Variants in MARCHF2 observed in about 807,000 individuals in gnomAD.
MARCHF2 encodes E3 ubiquitin-protein ligase MARCHF2.
A neutral mutation model predicts 24.0 loss-of-function variants in MARCHF2; 22 were observed. The ratio of observed to expected loss-of-function variants is 0.92; its 90% CI spans 0.66 to 1.31. MARCHF2 has a LOEUF of 1.31. Among genes scored for constraint, MARCHF2 ranks in the 50% most tolerant of loss-of-function variants. The probability of loss-of-function intolerance (pLI) is 0.00; values close to 1 mark genes in which losing one functional copy is unlikely to be tolerated. For missense variants in MARCHF2, 301 were observed against 335.3 expected (o/e 0.90, Z 0.80); for synonymous variants, 154 against 153.0 (o/e 1.01, Z -0.05).
Position 8,438,819 on chromosome 19 carries a change from C to T in MARCHF2, c.*273C>T, listed in dbSNP as rs938948980. ...AGGCACCCTGATCTCATTCTGAGGT[C>T]CACATGGCACCTTCTGGGCCAGCAG... is the stretch of plus-strand genomic sequence containing the variant. On this transcript the variant is annotated 3_prime_UTR_variant, in exon 5 of 5. Transcript: ENST00000215555. 3.1e-6 allele frequency: 1 copy of T among 324,272 alleles called. No individual in the cohort carries two copies. Among genetic ancestry groups the T allele is most frequent in the Non-Finnish European group, 5.7e-6 (1 of 175,420 alleles). The allele number at this position is 324,272 out of a possible 1,614,324, so 20.1% of individuals were successfully genotyped here. A position where few individuals can be genotyped will look rare whatever the true frequency, so the allele number is the denominator to read the frequency against.
chr19:8,421,263 C>A (rs369425418), intron 1 of MARCHF2, among the ~76,000 whole-genome samples: 1 of 151,780 alleles, frequency 6.6e-6, no homozygotes, highest in South Asian at 2.1e-4. Context: ...GCTGGGACTA[C>A]AGGCGCGTGC....
chr19:8,435,462 AC>A (rs1208954955), intron 4 of MARCHF2, among the ~76,000 whole-genome samples: 4 of 152,084 alleles, frequency 2.6e-5, no homozygotes, highest in African/African-American at 9.7e-5. Context: ...AACATCGTTT[AC>A]CCAAGCAGTG....
chr19:8,429,478 A>AATTATTATT (rs1460004320), intron 3 of MARCHF2, among the ~76,000 whole-genome samples: 5 of 107,002 alleles, frequency 4.7e-5, no homozygotes, highest in Non-Finnish European at 9.6e-5. Flanking sequence ...AAATGAAAGA[A>AATTATTATT]CTTATTATTA....
In MARCHF2 at chr19:8,438,753, A is replaced by G; in HGVS notation, c.*207A>G. On this transcript the variant is annotated 3_prime_UTR_variant, in exon 5 of 5. Transcript: ENST00000215555. ...GGTTTTTTTTTTTTTTTTTTTGCAT[A>G]TGGAGGACAGGTGGACATGGTCCTG... 4 of 519,032 alleles carry G rather than the reference A, an allele frequency of 7.7e-6. No homozygotes were observed. Among genetic ancestry groups the G allele is most frequent in the Non-Finnish European group, 9.8e-6 (3 of 304,586 alleles). The allele number at this position is 519,032 out of a possible 1,614,324, so 32.2% of individuals were successfully genotyped here.
At chr19:8,421,308 G>A (rs1038695581) in intron 1 of MARCHF2, among the ~76,000 whole-genome samples, 1 of 150,188 alleles carries the variant, frequency 6.7e-6, no homozygotes. Context: ...ATTTTTAGTA[G>A]AGATGGGGTT....
chr19:8,419,127 G>A (rs566952118), intron 1 of MARCHF2, among the ~76,000 whole-genome samples: 1 of 151,894 alleles, frequency 6.6e-6, no homozygotes, highest in Non-Finnish European at 1.5e-5. Flanking sequence ...TTGGGAGTCC[G>A]AGGCAGATGG....
At chr19:8,428,968 C>T (rs181643982) in intron 3 of MARCHF2, among the ~76,000 whole-genome samples, 263 of 144,436 alleles carry the variant, frequency 1.8e-3, no homozygotes, top group Non-Finnish European at 3.0e-3. Flanking sequence ...TAGAAAAGCC[C>T]CTGGCCCACC....
chr19:8,420,867 C>T (rs1162813977), intron 1 of MARCHF2, among the ~76,000 whole-genome samples: 1 of 152,052 alleles, frequency 6.6e-6, no homozygotes, highest in Non-Finnish European at 1.5e-5. Flanking sequence ...GTTGCCCAGG[C>T]TGGTCTCAAA....
chr19:8,438,615 GACTTCC>G lies in MARCHF2; in HGVS notation c.*75_*80del. ...CTGGTGATACCCTGTCCTGTGGAAG[GACTTCC>G]ACTTCAACACTTCCACTTCAACAGT... is the stretch of plus-strand genomic sequence containing the variant. On this transcript the variant is annotated 3_prime_UTR_variant, in exon 5 of 5. Transcript: ENST00000215555. 7.2e-6 allele frequency: 11 copies of G among 1,518,148 alleles called. No individual in the cohort carries two copies. The South Asian group carries it at 1.3e-4, about 18-fold the overall frequency. 94.0% of individuals were successfully genotyped at this position (1,518,148 alleles called of 1,614,324 possible).
chr19:8,430,606 A>G lies in MARCHF2; in HGVS notation c.373-52A>G, dbSNP rs1341583428. ...CTGGAGGTCCTTACCCCTCCCCCTC[A>G]GTAGCCCCTTCTCTGCCCCCTCTCC... On this transcript the variant is annotated intron_variant, in intron 3 of 4. Coordinates refer to ENST00000215555, the MANE Select transcript of MARCHF2 (RefSeq NM_001005415.2). The surrounding 1 kb of genome is among the most constrained non-coding windows in gnomAD (Gnocchi z 4.4). 12 of 1,480,326 alleles carry G rather than the reference A, an allele frequency of 8.1e-6. No individual in the cohort carries two copies. Among genetic ancestry groups the G allele is most frequent in the Non-Finnish European group, 1.1e-5 (12 of 1,073,296 alleles). 91.7% of individuals were successfully genotyped at this position (1,480,326 alleles called of 1,614,324 possible).
In MARCHF2 at chr19:8,415,958, G is replaced by A. The variant is rs180729973; in HGVS notation, c.-53+2538G>A. Among the ~76,000 whole-genome samples the A allele has an allele frequency of 2.3e-3, 355 of 152,082 alleles. 2 individuals carry two copies. The highest frequency in any genetic ancestry group is 4.1e-3 in the Admixed American group (63 of 15,210). On this transcript the variant is annotated intron_variant, in intron 1 of 4. Coordinates refer to ENST00000215555, the MANE Select transcript of MARCHF2 (RefSeq NM_001005415.2). ...GGACCTCTAGCCTCTAAATATCTCT[G>A]ATGCCCACCACAGGGGCTGGCCGAC...
chr19:8,425,416 A>AT (rs1403600624), intron 2 of MARCHF2, among the ~76,000 whole-genome samples: 13 of 149,050 alleles, frequency 8.7e-5, no homozygotes, highest in Non-Finnish European at 7.5e-5. Context: ...AAAAAAGAAA[A>AT]TTTTTTTTTT....
At position 8,430,735 on chromosome 19, in the gene MARCHF2, G is replaced by A. The variant is rs772382104; in HGVS notation, c.450G>A (p.Pro150=). ...TGGTGTGTTTCCTGTTCATCACACC[G>A]CTGGCCGCCATCTCAGGCTGGTTGT... The part of the protein sequence containing the change: ...CDMVCFLFIT[P]LAAISGWLCL... Residue 150 remains proline, a synonymous_variant, in exon 4 of 5, where the codon CCG becomes CCA. Coordinates refer to ENST00000215555, the MANE Select transcript of MARCHF2 (RefSeq NM_001005415.2). The surrounding 1 kb of genome is among the most constrained non-coding windows in gnomAD (Gnocchi z 4.4). The A allele has an allele frequency of 4.3e-6, 7 of 1,611,184 alleles. No homozygotes were observed. The highest frequency in any genetic ancestry group is 2.2e-5 in the East Asian group (1 of 44,886).
intron 1 of MARCHF2, among the ~76,000 whole-genome samples, chr19:8,419,363 G>T (rs62117524): frequency 0.065 from 9,861 of 152,112 alleles, 616 homozygotes; most frequent in African/African-American, 0.16. Flanking sequence ...GCATGGTGGC[G>T]CATGCCTGTA....
At chr19:8,416,997 A>G (rs946616482) in intron 1 of MARCHF2, among the ~76,000 whole-genome samples, 2 of 152,066 alleles carry the variant, frequency 1.3e-5, no homozygotes, top group African/African-American at 4.8e-5. Flanking sequence ...GGTTCTTAAT[A>G]GATAGAAGCT....
intron 2 of MARCHF2, 66 bp downstream of exon 2, chr19:8,422,082 TC>T (rs1967263720): frequency 1.3e-6 from 2 of 1,512,740 alleles, no homozygotes; most frequent in African/African-American, 1.4e-5. Context: ...AGTGAGTTTC[TC>T]CCAGCCTGGG....
chr19:8,415,261 G>A (rs1179296245), intron 1 of MARCHF2, among the ~76,000 whole-genome samples: 2 of 151,938 alleles, frequency 1.3e-5, no homozygotes, highest in African/African-American at 4.8e-5. Flanking sequence ...AGCTGGATGT[G>A]GTGGTGTGCA....
Position 8,430,763 on chromosome 19 carries a change from C to T in MARCHF2, c.478C>T (p.Leu160=), listed in dbSNP as rs1385027728. Residue 160 remains leucine, a synonymous_variant, in exon 4 of 5, where the codon CTG becomes TTG. Coordinates refer to ENST00000215555, the MANE Select transcript of MARCHF2 (RefSeq NM_001005415.2). The surrounding 1 kb of genome is among the most constrained non-coding windows in gnomAD (Gnocchi z 4.4). ...PLAAISGWLC[L]RGAQDHLRLH... ...GGCCGCCATCTCAGGCTGGTTGTGC[C>T]TGCGCGGGGCCCAGGACCACCTCCG... The T allele has an allele frequency of 2.5e-6, 4 of 1,611,376 alleles. No individual in the cohort carries two copies. In the Admixed American group the frequency reaches 6.7e-5, roughly 27 times the overall value.
In MARCHF2 at chr19:8,426,765, G is replaced by A. The variant is rs756515022; in HGVS notation, c.333G>A (p.Thr111=). 6.8e-6 allele frequency: 11 copies of A among 1,612,474 alleles called. No homozygotes were observed. The highest frequency in any genetic ancestry group is 3.3e-5 in the Admixed American group (2 of 60,002). ...SNTSYCELCH[T]EFAVEKRPRP... is the part of the protein sequence containing the mutation. ...CCAGCTACTGCGAGCTGTGCCACAC[G>A]GAGTTTGCAGTGGAGAAACGGCCTC... Residue 111 remains threonine (T), a synonymous_variant, in exon 3 of 5, where the codon ACG becomes ACA. Transcript: ENST00000215555.
Sources: gnomAD v4.1 joint callset for allele counts (sites outside exome capture counted in the v4.1 genomes callset) on GRCh38, gnomAD v4.1.1 for gene constraint, Gnocchi (gnomAD v3.1) non-coding constraint, MANE v1.5 for transcripts, NCBI Gene and HGNC (gene_info 2026-07-23, HGNC 2026-07-21) for gene names.